HOMER2: variants seen among roughly 807,000 people sequenced by gnomAD.
HOMER2 encodes homer scaffold protein 2.
HOMER2 carries 27 observed loss-of-function variants against 47.0 expected under a neutral mutation model. That is an observed-to-expected ratio of 0.57 (90% CI 0.42 to 0.79). The LOEUF is 0.79. Among genes scored for constraint, HOMER2 ranks in the 30% least tolerant of loss-of-function variants. The pLI is 0.00. For synonymous variants in HOMER2, 161 were observed against 163.8 expected, an observed-to-expected ratio of 0.98 and a Z score of 0.13; for missense variants, 443 against 435.0, an observed-to-expected ratio of 1.02 and a Z score of -0.16.
downstream of HOMER2, among the ~76,000 whole-genome samples, chr15:82,957,747 T>C (rs1439578087): frequency 2.0e-5 from 3 of 152,216 alleles, no homozygotes. Flanking sequence ...TTTCCAACAG[T>C]CCCATCTGTC....
In HOMER2 at chr15:82,928,151, A is replaced by C. The variant is rs919358009; in HGVS notation, c.5+24380T>G. ...ACTGCTGGCCTAAAGACCAGCCAGA[A>C]GTACACTACTGGGCTAAATCTATTG... is the stretch of plus-strand genomic sequence containing the variant. On this transcript the variant is annotated intron_variant, in intron 1 of 8. Coordinates refer to ENST00000450735, the MANE Select transcript of HOMER2 (RefSeq NM_004839.4). 4.6e-5 allele frequency among the ~76,000 whole-genome samples: 7 copies of C among 152,182 alleles called. No individual in the cohort carries two copies. The East Asian group carries it at 7.7e-4, about 17-fold the overall frequency.
At chr15:82,855,315 A>T (rs1465034354) in intron 5 of HOMER2, among the ~76,000 whole-genome samples, 1 of 109,474 alleles carries the variant, frequency 9.1e-6, no homozygotes, top group Non-Finnish European at 1.7e-5. Context: ...ACAGAGCGAG[A>T]CTCCATCTCC....
intron 2 of HOMER2, among the ~76,000 whole-genome samples, chr15:82,880,169 G>A (rs2052475369): frequency 6.6e-6 from 1 of 152,186 alleles, no homozygotes; most frequent in African/African-American, 2.4e-5. Flanking sequence ...TTTATTGGAA[G>A]ACAGCCATGC....
At chr15:82,921,156 T>A (rs562754630) in intron 1 of HOMER2, among the ~76,000 whole-genome samples, 112 of 152,024 alleles carry the variant, frequency 7.4e-4, no homozygotes, top group Non-Finnish European at 1.3e-3. Context: ...ATTAACCAGG[T>A]GTGGTGGCAC....
chr15:82,972,896 G>A (rs2030046234), intron 1 of HOMER2, among the ~76,000 whole-genome samples: 1 of 152,252 alleles, frequency 6.6e-6, no homozygotes, highest in Admixed American at 6.5e-5. Flanking sequence ...TACATGCTTT[G>A]GATCTGGTGG....
intron 1 of HOMER2, among the ~76,000 whole-genome samples, chr15:82,974,836 G>A (rs1315622428): frequency 1.3e-5 from 2 of 152,194 alleles, no homozygotes; most frequent in South Asian, 2.1e-4. Context: ...TCGGGAGGCC[G>A]AGGCAGGTGG....
At chr15:82,906,765 T>C (rs958560137) in intron 1 of HOMER2, among the ~76,000 whole-genome samples, 2 of 151,970 alleles carry the variant, frequency 1.3e-5, no homozygotes, top group African/African-American at 4.8e-5. Flanking sequence ...TACAGACACA[T>C]ATAGATTAAA....
chr15:82,983,684 G>A (rs1192029097), intron 1 of HOMER2, among the ~76,000 whole-genome samples: 1 of 151,804 alleles, frequency 6.6e-6, no homozygotes, highest in Non-Finnish European at 1.5e-5. Context: ...TGCCTCCCAA[G>A]TTCAAGCAAT....
At chr15:82,844,802 ACAT>A (rs1276701661), downstream of HOMER2, 3 of 152,222 alleles carry the variant, frequency 2.0e-5, no homozygotes, top group Non-Finnish European at 4.4e-5. Flanking sequence ...CTTGCCTGTC[ACAT>A]CATAAGACGC....
chr15:82,852,285 G>A (rs765433503), intron 6 of HOMER2, 33 bp from the exon 7 acceptor site: 28 of 1,453,920 alleles, frequency 1.9e-5, no homozygotes, highest in Non-Finnish European at 2.3e-5. Context: ...AAGCAGGGAC[G>A]CCAGCTTAAC....
chr15:82,879,634 C>A (rs1435095993), intron 2 of HOMER2, among the ~76,000 whole-genome samples: 1 of 152,220 alleles, frequency 6.6e-6, no homozygotes, highest in African/African-American at 2.4e-5. Context: ...GAACCTTCAG[C>A]AAATTGTAAT....
chr15:82,891,891 A>T (rs1002211900), intron 2 of HOMER2, among the ~76,000 whole-genome samples: 8 of 152,114 alleles, frequency 5.3e-5, no homozygotes, highest in Admixed American at 2.0e-4. Context: ...AAAAAGGGGA[A>T]TTCAGCTTTA....
chr15:82,862,539 G>A (rs1362517227), intron 4 of HOMER2, among the ~76,000 whole-genome samples: 2 of 151,970 alleles, frequency 1.3e-5, no homozygotes, highest in Admixed American at 6.6e-5. Flanking sequence ...TGTACTATGC[G>A]GTATTCTGAA....
intron 1 of HOMER2, among the ~76,000 whole-genome samples, chr15:82,949,850 G>T (rs186475170): frequency 1.4e-4 from 21 of 152,322 alleles, no homozygotes; most frequent in Non-Finnish European, 2.6e-4. Flanking sequence ...GCTGGTGGCT[G>T]CCACGCAGAT....
At chr15:82,910,748 A>G (rs1402050685) in intron 1 of HOMER2, among the ~76,000 whole-genome samples, 1 of 151,968 alleles carries the variant, frequency 6.6e-6, no homozygotes, top group Non-Finnish European at 1.5e-5. Context: ...CTCAGATGGG[A>G]GTTTTTGTCT....
In HOMER2 at chr15:82,854,826, G is replaced by A. The variant is rs530949706; in HGVS notation, c.495-26C>T. On this transcript the variant is annotated intron_variant, in intron 5 of 8. Coordinates refer to ENST00000450735, the MANE Select transcript of HOMER2 (RefSeq NM_004839.4). ...CTGCAGGACAGGGACGGGCGGTGAC[G>A]ACGGGGTGGGTGCTGTCCCGTCTGG... The A allele has an allele frequency of 1.3e-5, 20 of 1,597,456 alleles. No individual in the cohort carries two copies. The East Asian group carries it at 1.3e-4, about 11-fold the overall frequency.
intron 1 of HOMER2, among the ~76,000 whole-genome samples, chr15:82,964,791 A>ACAAAT (rs2054658823): frequency 6.6e-6 from 1 of 152,102 alleles, no homozygotes; most frequent in Admixed American, 6.5e-5. Context: ...ACAAAACAAA[A>ACAAAT]CAAAATTTCT....
rs1218321331 is a variant in HOMER2, at chr15:82,938,329, G to A, written c.5+14202C>T. Among the ~76,000 whole-genome samples the A allele has an allele frequency of 3.9e-5, 6 of 152,216 alleles. No homozygotes were observed. In the South Asian group the frequency reaches 8.3e-4, roughly 21 times the overall value. ...GCAGAGGTTGCAGTAAGTTGAGATC[G>A]CGCCACTGCACTCCAGCCTGGGCGA... is the stretch of plus-strand genomic sequence containing the variant. On this transcript the variant is annotated intron_variant, in intron 1 of 8. Coordinates refer to ENST00000450735, the MANE Select transcript of HOMER2 (RefSeq NM_004839.4).
At chr15:82,931,597 G>T (rs1026959239) in intron 1 of HOMER2, among the ~76,000 whole-genome samples, 2 of 150,710 alleles carry the variant, frequency 1.3e-5, no homozygotes, top group Admixed American at 6.6e-5. Flanking sequence ...CCAGCACTTT[G>T]GGAGGCCGAG....
Sources: gnomAD v4.1 joint callset for allele counts (sites outside exome capture counted in the v4.1 genomes callset) on GRCh38, gnomAD v4.1.1 for gene constraint, MANE v1.5 for transcripts, NCBI Gene and HGNC (gene_info 2026-07-23, HGNC 2026-07-21) for gene names.